The following BTBD9 variants were observed in gnomAD, a reference collection of about 807,000 sequenced individuals.
BTBD9 encodes the protein BTB/POZ domain-containing protein 9.
A neutral mutation model predicts 64.3 loss-of-function variants in BTBD9; 49 were observed. That is an observed-to-expected ratio of 0.76 (90% CI 0.61 to 0.97). BTBD9 has a LOEUF of 0.97. Among genes scored for constraint, BTBD9 ranks in the 50% least tolerant of loss-of-function variants. The pLI is 0.00. For synonymous variants in BTBD9, 260 were observed against 274.7 expected, an observed-to-expected ratio of 0.95 and a Z score of 0.53; for missense variants, 598 against 762.1, an observed-to-expected ratio of 0.78 and a Z score of 2.53.
At position 38,192,408 on chromosome 6, in the gene BTBD9, G is replaced by C; in HGVS notation, c.1641+111C>G. On this transcript the variant is annotated intron_variant, in intron 10 of 10. Transcript: ENST00000481247. ...GGACTTTCTCCACACCAAGCTGTCTGAATAGCAGGCCATTAGCAGGCAGAA... is the reference window on the plus strand; with the variant it reads ...GGACTTTCTCCACACCAAGCTGTCTCAATAGCAGGCCATTAGCAGGCAGAA... 4 of 960,082 alleles carry C rather than the reference G, an allele frequency of 4.2e-6. No homozygotes were observed. The South Asian group carries it at 4.4e-5, about 11-fold the overall frequency. The allele number at this position is 960,082 out of a possible 1,614,324, so 59.5% of individuals were successfully genotyped here.
chr6:38,180,201 C>T (rs1287447237), intron 10 of BTBD9, among the ~76,000 whole-genome samples: 2 of 152,204 alleles, frequency 1.3e-5, no homozygotes, highest in South Asian at 4.2e-4. Context: ...AATGGGCATT[C>T]GGGGGGGCCT....
chr6:38,618,966 T>C (rs551592166), intron 1 of BTBD9, among the ~76,000 whole-genome samples: 8 of 152,226 alleles, frequency 5.3e-5, no homozygotes, highest in Admixed American at 4.6e-4. Flanking sequence ...TAGACTCAGA[T>C]CATGGGGACT....
chr6:38,578,388 C>T (rs1582662620), intron 5 of BTBD9, among the ~76,000 whole-genome samples: 1 of 152,222 alleles, frequency 6.6e-6, no homozygotes, highest in South Asian at 2.1e-4. Context: ...TAGTCAGCTA[C>T]TCCGAACCAT....
At chr6:38,436,925 A>C (rs920055728) in intron 6 of BTBD9, among the ~76,000 whole-genome samples, 1 of 152,190 alleles carries the variant, frequency 6.6e-6, no homozygotes, top group Non-Finnish European at 1.5e-5. Flanking sequence ...AGTTGTAGTC[A>C]TAGGAATATG....
intron 10 of BTBD9, among the ~76,000 whole-genome samples, chr6:38,180,828 C>G: frequency 6.6e-6 from 1 of 152,242 alleles, no homozygotes; most frequent in East Asian, 1.9e-4. Flanking sequence ...GATCTCTCCC[C>G]TGAGAGAAGC....
At chr6:38,507,828 A>ATTTTTTT (rs34808509) in intron 6 of BTBD9, among the ~76,000 whole-genome samples, 1 of 125,428 alleles carries the variant, frequency 8.0e-6, no homozygotes. Flanking sequence ...TGTCTCCCAA[A>ATTTTTTT]TTTTTTTTTT....
intron 1 of BTBD9, among the ~76,000 whole-genome samples, chr6:38,608,346 A>T (rs922595160): frequency 4.6e-5 from 7 of 152,234 alleles, no homozygotes; most frequent in African/African-American, 1.7e-4. Flanking sequence ...AGAGCCAAAA[A>T]GCAATGAAAA....
rs57568036 is a variant in BTBD9 at position 38,374,283 on chromosome 6, G to GTATATATATATATATATATA, written c.1155-29191_1155-29190insTATATATATATATATATATA. On this transcript the variant is annotated intron_variant, in intron 6 of 10. Transcript: ENST00000481247. ...GGCCTTGTGTCGAAAAAAAAAAAAA[G>GTATATATATATATATATATA]TATATATATATATGTATATATATGT... 1.5e-3 allele frequency among the ~76,000 whole-genome samples: 69 copies of GTATATATATATATATATATA among 45,458 alleles called. 9 individuals are homozygous for GTATATATATATATATATATA. The highest frequency in any genetic ancestry group is 4.5e-3 in the African/African-American group (28 of 6,198). 29.8% of individuals were successfully genotyped at this position (45,458 alleles called of 152,430 possible). A position where few individuals can be genotyped will look rare whatever the true frequency, so the allele number is the denominator to read the frequency against.
chr6:38,468,819 T>C (rs1770510243), intron 6 of BTBD9, among the ~76,000 whole-genome samples: 1 of 152,154 alleles, frequency 6.6e-6, no homozygotes, highest in South Asian at 2.1e-4. Flanking sequence ...TAAAATAACA[T>C]TTACAGACAG....
At chr6:38,537,632 C>A (rs1332115438) in intron 6 of BTBD9, among the ~76,000 whole-genome samples, 8 of 152,118 alleles carry the variant, frequency 5.3e-5, no homozygotes, top group Admixed American at 3.3e-4. Flanking sequence ...AAGGTATTGA[C>A]AATATGACAT....
chr6:38,374,311 A>ATATATATATATATGTG (rs1765584920), intron 6 of BTBD9, among the ~76,000 whole-genome samples: 1 of 115,838 alleles, frequency 8.6e-6, no homozygotes, highest in Non-Finnish European at 1.7e-5. Context: ...ATATATGTAT[A>ATATATATATATATGTG]TATATATATA....
At chr6:38,308,881 C>T (rs566779521) in intron 7 of BTBD9, among the ~76,000 whole-genome samples, 7 of 152,020 alleles carry the variant, frequency 4.6e-5, no homozygotes, top group Admixed American at 3.3e-4. Context: ...CCTCAGCCCC[C>T]CAAAGTGCTG....
At chr6:38,487,594 AG>A (rs1771510981) in intron 6 of BTBD9, among the ~76,000 whole-genome samples, 4 of 39,248 alleles carry the variant, frequency 1.0e-4, no homozygotes, top group South Asian at 4.8e-4. Context: ...AGAGTCAGCG[AG>A]AGAGAGAGAG....
At chr6:38,545,510 T>C (rs555877416) in intron 6 of BTBD9, among the ~76,000 whole-genome samples, 1 of 152,188 alleles carries the variant, frequency 6.6e-6, no homozygotes, top group East Asian at 1.9e-4. Context: ...CTGGGCGCAA[T>C]GGCTCATGCC....
chr6:38,547,596 C>A (rs1486280000), intron 6 of BTBD9, among the ~76,000 whole-genome samples: 1 of 152,160 alleles, frequency 6.6e-6, no homozygotes, highest in Admixed American at 6.5e-5. Flanking sequence ...GTTCTTTGAA[C>A]CCATCAAGTT....
chr6:38,343,461 AT>A (rs911074308), intron 7 of BTBD9, among the ~76,000 whole-genome samples: 3 of 152,138 alleles, frequency 2.0e-5, no homozygotes, highest in Non-Finnish European at 4.4e-5. Flanking sequence ...CATCTTGTAA[AT>A]AAGAAGGGTC....
chr6:38,592,411 T>A (rs1274550268), intron 4 of BTBD9, among the ~76,000 whole-genome samples, 165 bp downstream of exon 4: 1 of 152,092 alleles, frequency 6.6e-6, no homozygotes, highest in Non-Finnish European at 1.5e-5. Context: ...TCAGGAGGAA[T>A]TAACAGGAAA....
chr6:38,205,533 T>C (rs1762608002), intron 9 of BTBD9, among the ~76,000 whole-genome samples: 1 of 152,100 alleles, frequency 6.6e-6, no homozygotes, highest in Non-Finnish European at 1.5e-5. Context: ...TCTCTTTGTA[T>C]TTATGCGAAG....
intron 7 of BTBD9, among the ~76,000 whole-genome samples, chr6:38,319,439 C>T (rs1476780296): frequency 6.6e-6 from 1 of 152,088 alleles, no homozygotes; most frequent in Non-Finnish European, 1.5e-5. Context: ...CCAAGGCTCA[C>T]AGTGTGTACT....
Sources: allele counts gnomAD v4.1 joint callset (sites outside exome capture counted in the v4.1 genomes callset), GRCh38; gene constraint gnomAD v4.1.1; transcripts MANE v1.5; gene names NCBI Gene and HGNC (gene_info 2026-07-23, HGNC 2026-07-21).